VWF: variants seen among roughly 807,000 people sequenced by gnomAD.
VWF encodes the protein Factor VIII related antigen.
VWF carries 176 observed loss-of-function variants against 308.6 expected under a neutral mutation model. That is an observed-to-expected ratio of 0.57 (90% CI 0.50 to 0.65). The LOEUF (loss-of-function observed/expected upper bound fraction) is 0.65. Among genes scored for constraint, VWF ranks in the 30% least tolerant of loss-of-function variants. The pLI is 0.00. For missense variants in VWF, 3,146 were observed against 3,648.2 expected (o/e 0.86, Z 3.55); for synonymous variants, 1,385 against 1,443.4 (o/e 0.96, Z 0.92).
intron 42 of VWF, among the ~76,000 whole-genome samples, chr12:5,978,686 C>T (rs1345756363): frequency 6.6e-6 from 1 of 152,160 alleles, no homozygotes. Context: ...TCATTTGAAT[C>T]AGAAATACCA....
chr12:6,098,918 A>G (rs1234535407), intron 5 of VWF, among the ~76,000 whole-genome samples: 1 of 152,052 alleles, frequency 6.6e-6, no homozygotes. Flanking sequence ...ACAGCTTTGG[A>G]TCTCCATGAT....
intron 11 of VWF, 40 bp downstream of exon 11, chr12:6,065,097 G>A: frequency 6.2e-7 from 1 of 1,613,630 alleles, no homozygotes. Context: ...GCAGCACCTT[G>A]GGCTACCACC....
intron 5 of VWF, among the ~76,000 whole-genome samples, chr12:6,100,562 A>G (rs1945151527): frequency 6.6e-6 from 1 of 151,974 alleles, no homozygotes; most frequent in Non-Finnish European, 1.5e-5. Context: ...CTATGCAGCC[A>G]TAAAAAAGGA....
At chr12:5,996,622 T>A (rs535024918) in intron 34 of VWF, among the ~76,000 whole-genome samples, 1 of 152,120 alleles carries the variant, frequency 6.6e-6, no homozygotes, top group Non-Finnish European at 1.5e-5. Flanking sequence ...GAGCTCATGA[T>A]CTCATTGTAA....
chr12:6,054,496 T>C lies in VWF; in HGVS notation c.1946-1713A>G, dbSNP rs543413885. ...TCTCTAGGGCTGGCTTGGAGCCTTA[T>C]TAAATTTCTCCTTTAGCCTTCTTCC... On this transcript the variant is annotated intron_variant, in intron 15 of 51. Coordinates refer to ENST00000261405, the MANE Select transcript of VWF (RefSeq NM_000552.5). Among the ~76,000 whole-genome samples, 11 of 152,336 alleles carry C rather than the reference T, an allele frequency of 7.2e-5. No individual in the cohort carries two copies. In the South Asian group the frequency reaches 8.3e-4, roughly 11 times the overall value.
At chr12:5,993,622 T>C (rs1215835905) in intron 37 of VWF, among the ~76,000 whole-genome samples, 1 of 146,436 alleles carries the variant, frequency 6.8e-6, no homozygotes. Flanking sequence ...TGTGTATATA[T>C]ATACATATAT....
intron 5 of VWF, among the ~76,000 whole-genome samples, chr12:6,107,468 T>C (rs1945255945): frequency 6.6e-6 from 1 of 152,186 alleles, no homozygotes; most frequent in African/African-American, 2.4e-5. Context: ...CATGTGGTGC[T>C]TCCATGACAC....
chr12:6,097,919 T>C (rs1000321596), intron 5 of VWF, among the ~76,000 whole-genome samples: 5 of 152,254 alleles, frequency 3.3e-5, no homozygotes, highest in Non-Finnish European at 7.3e-5. Flanking sequence ...CTTCATGTTG[T>C]TGCCTGGGCA....
At chr12:6,096,800 C>T (rs1429443883) in intron 5 of VWF, among the ~76,000 whole-genome samples, 1 of 152,218 alleles carries the variant, frequency 6.6e-6, no homozygotes, top group Non-Finnish European at 1.5e-5. Flanking sequence ...CAGTATGAGA[C>T]TACTACCTTT....
intron 18 of VWF, 70 bp from the exon 19 acceptor site, chr12:6,036,561 C>T (rs1565838842): frequency 1.3e-5 from 18 of 1,439,182 alleles, no homozygotes; most frequent in Non-Finnish European, 1.7e-5. Context: ...CAGCCCGCTC[C>T]AGGAAGTGTT....
At chr12:5,964,722 G>A (rs1177395024) in intron 47 of VWF, among the ~76,000 whole-genome samples, 1 of 152,206 alleles carries the variant, frequency 6.6e-6, no homozygotes, top group Non-Finnish European at 1.5e-5. Flanking sequence ...GGAGCAGGCA[G>A]AAGGAAAAGC....
At chr12:6,101,180 G>T (rs1441175213) in intron 5 of VWF, among the ~76,000 whole-genome samples, 1 of 152,160 alleles carries the variant, frequency 6.6e-6, no homozygotes, top group Non-Finnish European at 1.5e-5. Flanking sequence ...AGAATTAGTG[G>T]ATTAGAAGAT....
Position 5,976,269 on chromosome 12 carries a change from A to C in VWF, c.7288-9T>G, listed in dbSNP as rs1348526788. The C allele has an allele frequency of 2.5e-6, 4 of 1,614,164 alleles. No homozygotes were observed. In the East Asian group the frequency reaches 6.7e-5, roughly 27 times the overall value. Reference sequence around the variant, plus strand: ...CTTCGGTGGACACACACCTGTAGACATAAGTTTTCGTGAGTGAACTCATTT... The same window carrying C: ...CTTCGGTGGACACACACCTGTAGACCTAAGTTTTCGTGAGTGAACTCATTT... On this transcript the variant is annotated splice_polypyrimidine_tract_variant and intron_variant, in intron 42 of 51. Transcript: ENST00000261405.
At chr12:5,969,113 T>G in intron 45 of VWF, 98 bp downstream of exon 45, 1 of 1,407,214 alleles carries the variant, frequency 7.1e-7, no homozygotes, top group Middle Eastern at 2.4e-4. Flanking sequence ...TCCATTTCCC[T>G]AAGTTGCTAA....
At chr12:5,996,750 CAAAAAAAA>C (rs61616182) in intron 34 of VWF, among the ~76,000 whole-genome samples, 4 of 60,472 alleles carry the variant, frequency 6.6e-5, no homozygotes, top group Non-Finnish European at 3.8e-5. Context: ...TTTCCAGAGC[CAAAAAAAA>C]AAAAAAAAAA....
Position 6,095,456 on chromosome 12 carries a change from C to A in VWF, c.657+4G>T. On this transcript the variant is annotated splice_donor_region_variant and intron_variant, in intron 6 of 51. Coordinates refer to ENST00000261405, the MANE Select transcript of VWF (RefSeq NM_000552.5). ...CAGGTGCACCCAGGCCAGTCCACAC[C>A]CACCTTCTGCATTTCCCCAGAGGAG... 1.2e-6 allele frequency: 2 copies of A among 1,614,064 alleles called. No homozygotes were observed. Among genetic ancestry groups the A allele is most frequent in the South Asian group, 1.1e-5 (1 of 91,078 alleles).
In VWF at chr12:6,092,515, TTGTC is replaced by T. The variant is rs754776938; in HGVS notation, c.657+2941_657+2944del. ...ACCACCATGCCCAGCTAGTATGTGT[TTGTC>T]TGTGTGTGTGTGTGTGCACGCGCGT... On this transcript the variant is annotated intron_variant, in intron 6 of 51. Coordinates refer to ENST00000261405, the MANE Select transcript of VWF (RefSeq NM_000552.5). Among the ~76,000 whole-genome samples the T allele has an allele frequency of 4.8e-3, 634 of 131,900 alleles. 10 individuals are homozygous for T. The highest frequency in any genetic ancestry group is 0.015 in the African/African-American group (448 of 29,760). The allele number at this position is 131,900 out of a possible 152,430, so 86.5% of individuals were successfully genotyped here. A position where few individuals can be genotyped will look rare whatever the true frequency, so the allele number is the denominator to read the frequency against.
rs1944684092 is a variant in VWF at position 6,063,920 on chromosome 12, C to T, written c.1432+326G>A. ...GTCCCACCCCAGAGCAAACCAGAAC[C>T]ACCTGCCCAAGACTCAACTCGCCCC... On this transcript the variant is annotated intron_variant, in intron 12 of 51. Coordinates refer to ENST00000261405, the MANE Select transcript of VWF (RefSeq NM_000552.5). The surrounding 1 kb of genome is among the most constrained non-coding windows in gnomAD (Gnocchi z 4.9). Among the ~76,000 whole-genome samples the T allele has an allele frequency of 1.3e-5, 2 of 152,200 alleles. No homozygotes were observed. The highest frequency in any genetic ancestry group is 4.8e-5 in the African/African-American group (2 of 41,444).
chr12:6,090,227 G>C (rs1426010951), intron 6 of VWF, among the ~76,000 whole-genome samples: 1 of 152,110 alleles, frequency 6.6e-6, no homozygotes, highest in Non-Finnish European at 1.5e-5. Flanking sequence ...AAAGTGCTGG[G>C]ATTACAGGCG....
Sources: allele counts gnomAD v4.1 joint callset (sites outside exome capture counted in the v4.1 genomes callset), GRCh38; gene constraint gnomAD v4.1.1; non-coding constraint Gnocchi (gnomAD v3.1); transcripts MANE v1.5; gene names NCBI Gene and HGNC (gene_info 2026-07-23, HGNC 2026-07-21).